Variants in KLK15 observed in about 807,000 individuals in gnomAD.
The protein encoded by KLK15 is kallikrein-15.
KLK15 carries 19 observed loss-of-function variants against 21.1 expected under a neutral mutation model. The ratio of observed to expected loss-of-function variants is 0.90; its 90% CI spans 0.63 to 1.32. The LOEUF is 1.32. Among genes scored for constraint, KLK15 ranks in the 40% most tolerant of loss-of-function variants. The pLI, the probability that KLK15 is intolerant of heterozygous loss-of-function variation, is 0.00. For synonymous variants in KLK15, 141 were observed against 141.5 expected (o/e 1.00, Z 0.03); for missense variants, 345 against 348.6 (o/e 0.99, Z 0.08).
chr19:50,831,246 G>T (rs2089980501), intron 1 of KLK15: 3 of 416,486 alleles, frequency 7.2e-6, no homozygotes, highest in Non-Finnish European at 4.2e-6. Context: ...GCAGCGAGAG[G>T]CCCCAGGCAA....
chr19:50,831,624 T>G, upstream of KLK15: 10 of 647,288 alleles, frequency 1.5e-5, no homozygotes, highest in Non-Finnish European at 2.4e-5. Flanking sequence ...AATAAATTTC[T>G]TCTGACCACC....
Position 50,827,643 on chromosome 19 carries a change from T to C in KLK15, c.197+19A>G. 10 of 1,608,336 alleles carry C rather than the reference T, an allele frequency of 6.2e-6. 1 individual carries two copies. The highest frequency in any genetic ancestry group is 7.7e-6 in the Non-Finnish European group (9 of 1,175,652). On this transcript the variant is annotated intron_variant, in intron 2 of 4. Coordinates refer to ENST00000598239, the Ensembl canonical transcript of KLK15. Reference sequence around the variant, plus strand: ...CCCGAACCAGGCTCCCTCAGGACCCTGAGCCCCTGCCTTCATACCGGCTTT... The same window carrying C: ...CCCGAACCAGGCTCCCTCAGGACCCCGAGCCCCTGCCTTCATACCGGCTTT...
chr19:50,827,045 T>C (rs753651539), exon 3 of KLK15: 11 of 1,606,246 alleles, frequency 6.8e-6, no homozygotes, highest in East Asian at 2.2e-5. Flanking sequence ...CATGATGTCG[T>C]TGCGGTGGCT....
At chr19:50,828,102 C>T (rs1037869785) in intron 1 of KLK15, among the ~76,000 whole-genome samples, 4 of 151,396 alleles carry the variant, frequency 2.6e-5, no homozygotes, top group African/African-American at 9.7e-5. Flanking sequence ...CCCGCCACCA[C>T]ACCTGGCTAA....
At chr19:50,831,413 CT>C (rs1555766621) in intron 1 of KLK15, 36 bp downstream of exon 2, 5 of 1,390,484 alleles carry the variant, frequency 3.6e-6, no homozygotes, top group Non-Finnish European at 4.7e-6. Context: ...GGGGCACCTG[CT>C]CCCACAGACC....
At chr19:50,829,812 G>A (rs1005194158) in intron 1 of KLK15, among the ~76,000 whole-genome samples, 4 of 151,426 alleles carry the variant, frequency 2.6e-5, no homozygotes, top group African/African-American at 7.3e-5. Context: ...GCGAGACTCC[G>A]TCTCAAAAAA....
At chr19:50,826,981 C>T (rs2089891194) in exon 3 of KLK15, 1 of 1,606,114 alleles carries the variant, frequency 6.2e-7, no homozygotes, top group Non-Finnish European at 8.5e-7. Flanking sequence ...GCGTGGGTAG[C>T]ACCGCGGGGC....
At position 50,829,383 on chromosome 19, in the gene KLK15, GT is replaced by G. The variant is rs1258136048; in HGVS notation, c.44-1569del. Among the ~76,000 whole-genome samples, 4 of 151,842 alleles carry G rather than the reference GT, an allele frequency of 2.6e-5. No individual in the cohort carries two copies. In the South Asian group the frequency reaches 8.3e-4, roughly 32 times the overall value. ...TGGTAGCTACTTAATAATATTAGTTGTTTTTTGCAAATGACACCTGGATTTA... is the reference window on the plus strand; with the variant it reads ...TGGTAGCTACTTAATAATATTAGTTGTTTTTGCAAATGACACCTGGATTTA... On this transcript the variant is annotated intron_variant, in intron 1 of 4. Transcript: ENST00000598239.
chr19:50,830,050 A>G (rs565160250), intron 1 of KLK15, among the ~76,000 whole-genome samples: 16 of 151,634 alleles, frequency 1.1e-4, no homozygotes, highest in African/African-American at 3.9e-4. Flanking sequence ...TCAGCCCCCA[A>G]GCCAGATCTG....
At chr19:50,827,918 C>G in intron 1 of KLK15, 103 bp from the exon 3 acceptor site, 1 of 1,123,298 alleles carries the variant, frequency 8.9e-7, no homozygotes, top group Non-Finnish European at 1.3e-6. Flanking sequence ...TGCCTTTCCC[C>G]TAACTTCTCA....
chr19:50,831,358 G>T, intron 1 of KLK15, 92 bp downstream of exon 2: 1 of 902,050 alleles, frequency 1.1e-6, no homozygotes, highest in Non-Finnish European at 1.6e-6. Flanking sequence ...GTCTCTGGGT[G>T]AGGTAGGGGC....
chr19:50,831,245 G>C, intron 1 of KLK15: 1 of 413,926 alleles, frequency 2.4e-6, no homozygotes, highest in Non-Finnish European at 4.2e-6. Flanking sequence ...GGCAGCGAGA[G>C]GCCCCAGGCA....
At chr19:50,825,680 TGGGCCTTGGACA>T, downstream of KLK15, 2 of 1,049,636 alleles carry the variant, frequency 1.9e-6, no homozygotes, top group East Asian at 5.1e-5. Flanking sequence ...GGCTAACATC[TGGGCCTTGGACA>T]GGGTCTTGGG....
chr19:50,826,048 C>T (rs2089873895), intron 4 of KLK15, 100 bp from the exon 6 acceptor site: 2 of 1,251,526 alleles, frequency 1.6e-6, no homozygotes, highest in Admixed American at 2.4e-5. Flanking sequence ...AATCCATCCC[C>T]ATCCCAGGGA....
downstream of KLK15, chr19:50,825,622 A>T: frequency 1.8e-6 from 1 of 557,590 alleles, no homozygotes. Context: ...TTGGCATTAA[A>T]CAGGTGACCT....
At chr19:50,828,208 A>G (rs1330457769) in intron 1 of KLK15, among the ~76,000 whole-genome samples, 1 of 151,458 alleles carries the variant, frequency 6.6e-6, no homozygotes, top group Non-Finnish European at 1.5e-5. Context: ...AGCCTCCCAA[A>G]GTGCTGGGAT....
At chr19:50,829,835 A>AACAAAAAAAACAAC (rs2089951886) in intron 1 of KLK15, among the ~76,000 whole-genome samples, 1 of 151,376 alleles carries the variant, frequency 6.6e-6, no homozygotes, top group Admixed American at 6.6e-5. Flanking sequence ...CCAAACAAAC[A>AACAAAAAAAACAAC]AAAAAAAGTC....
rs753214984 is a variant in KLK15, at chr19:50,831,438, G to C, written c.43+12C>G. 7.0e-7 allele frequency: 1 copy of C among 1,422,448 alleles called. No homozygotes were observed. Among genetic ancestry groups the C allele is most frequent in the South Asian group, 1.6e-5 (1 of 64,424 alleles). 88.1% of individuals were successfully genotyped at this position (1,422,448 alleles called of 1,614,324 possible). On this transcript the variant is annotated intron_variant, in intron 1 of 4. Coordinates refer to ENST00000598239, the Ensembl canonical transcript of KLK15. Reference sequence around the variant, plus strand: ...CTCCCACAGACCTGGCCCCCTCCTGGGGCCACCTCACCTGTGGATGCCAGC... The same window carrying C: ...CTCCCACAGACCTGGCCCCCTCCTGCGGCCACCTCACCTGTGGATGCCAGC...
upstream of KLK15, among the ~76,000 whole-genome samples, chr19:50,831,883 C>A (rs1016103663): frequency 1.3e-5 from 2 of 151,778 alleles, no homozygotes; most frequent in African/African-American, 4.8e-5. Flanking sequence ...ACAATGTCGG[C>A]TCACTGCAAG....
Sources: allele counts gnomAD v4.1 joint callset (sites outside exome capture counted in the v4.1 genomes callset), GRCh38; gene constraint gnomAD v4.1.1; transcripts MANE v1.5; gene names NCBI Gene and HGNC (gene_info 2026-07-23, HGNC 2026-07-21).